The following MDN1 variants were observed in gnomAD, a reference collection of about 807,000 sequenced individuals.
MDN1 encodes midasin AAA ATPase 1.
MDN1 carries 266 observed loss-of-function variants against 669.2 expected under a neutral mutation model. The ratio of observed to expected loss-of-function variants is 0.40; its 90% CI spans 0.36 to 0.44. MDN1 has a LOEUF of 0.44. Among genes scored for constraint, MDN1 ranks in the 20% least tolerant of loss-of-function variants. The pLI is 1.00. For missense variants in MDN1, 5,940 were observed against 6,754.0 expected (o/e 0.88, Z 4.22); for synonymous variants, 2,385 against 2,457.1 (o/e 0.97, Z 0.87).
chr6:89,651,918 T>G lies in MDN1; in HGVS notation c.15915+274A>C, dbSNP rs540241228. Among the ~76,000 whole-genome samples, 27 of 43,808 alleles carry G rather than the reference T, an allele frequency of 6.2e-4. No homozygotes were observed. In the East Asian group the frequency reaches 0.29, roughly 476 times the overall value. 28.7% of individuals were successfully genotyped at this position (43,808 alleles called of 152,430 possible). ...GACTCTTGCCCGGTTTTTCAACCAC[T>G]GTCACAACTATTAACATCCATTACA... On this transcript the variant is annotated intron_variant, in intron 95 of 101. Transcript: ENST00000369393.
At chr6:89,674,643 T>C in intron 78 of MDN1, 54 bp from the exon 79 acceptor site, 1 of 1,491,130 alleles carries the variant, frequency 6.7e-7, no homozygotes, top group Non-Finnish European at 8.9e-7. Flanking sequence ...TAAACCACTT[T>C]ACCACATTGT....
chr6:89,729,192 T>G, intron 35 of MDN1, 53 bp from the exon 36 acceptor site: 1 of 1,413,758 alleles, frequency 7.1e-7, no homozygotes, highest in Non-Finnish European at 9.7e-7. Flanking sequence ...TCAAATCACA[T>G]GTATGCATCA....
intron 13 of MDN1, 66 bp from the exon 14 acceptor site, chr6:89,772,787 A>T: frequency 1.9e-6 from 3 of 1,555,508 alleles, no homozygotes; most frequent in Non-Finnish European, 2.6e-6. Context: ...GCTCTGGGAA[A>T]CCATATATTC....
At position 89,771,934 on chromosome 6, in the gene MDN1, C is replaced by T. The variant is rs111458699; in HGVS notation, c.2084-313G>A. Among the ~76,000 whole-genome samples, 1,198 of 152,066 alleles carry T rather than the reference C, an allele frequency of 7.9e-3. 17 individuals are homozygous for T. Among genetic ancestry groups the T allele is most frequent in the African/African-American group, 0.027 (1,140 of 41,496 alleles). On this transcript the variant is annotated intron_variant, in intron 14 of 101. Transcript: ENST00000369393. ...TGTTGCCAGGCTGGTCTTGAACTCC[C>T]GGGCTCAAGCAATCCTCCTACCTCA...
At chr6:89,670,170 A>ATATATATTTTTTT (rs1444537561) in intron 83 of MDN1, among the ~76,000 whole-genome samples, 11 of 23,398 alleles carry the variant, frequency 4.7e-4, no homozygotes, top group Admixed American at 1.9e-3. Context: ...ATATATATAT[A>ATATATATTTTTTT]TTTTTTTTTT....
intron 74 of MDN1, among the ~76,000 whole-genome samples, chr6:89,680,297 G>C (rs1213961655): frequency 2.6e-5 from 4 of 152,174 alleles, no homozygotes; most frequent in African/African-American, 9.7e-5. Flanking sequence ...CCACCTCTGT[G>C]CCCCTTTACT....
At position 89,698,982 on chromosome 6, in the gene MDN1, A is replaced by C. The variant is rs1309312720; in HGVS notation, c.9051T>G (p.Phe3017Leu). 14 of 1,613,984 alleles carry C rather than the reference A, an allele frequency of 8.7e-6. No homozygotes were observed. Among genetic ancestry groups the C allele is most frequent in the Non-Finnish European group, 1.2e-5 (14 of 1,179,968 alleles). The change falls in exon 59 of 102, where the codon TTT (phenylalanine) becomes TTG (leucine). Residue 3017 changes from phenylalanine (F) to leucine (L), a missense_variant. Transcript: ENST00000369393. ...SLWSELFNSM[F>L]MSFWSSTVTT... Reference sequence around the variant, plus strand: ...TCACAGTACTGCTCCAGAAAGACATAAACATGGAATTAAATAACTCGGACC... The same window carrying C: ...TCACAGTACTGCTCCAGAAAGACATCAACATGGAATTAAATAACTCGGACC...
intron 1 of MDN1, among the ~76,000 whole-genome samples, chr6:89,806,022 C>T (rs566886006): frequency 2.6e-5 from 4 of 152,206 alleles, no homozygotes; most frequent in Non-Finnish European, 5.9e-5. Context: ...ACTGCAGGCG[C>T]ACCCTCCCAA....
chr6:89,762,733 T>C (rs1037814490), intron 15 of MDN1, among the ~76,000 whole-genome samples: 3 of 152,062 alleles, frequency 2.0e-5, no homozygotes, highest in Admixed American at 6.6e-5. Flanking sequence ...ATAATGAAGG[T>C]AAAAACTATT....
In MDN1 at chr6:89,758,689, T is replaced by C. The variant is rs868246714; in HGVS notation, c.2605+127A>G. On this transcript the variant is annotated intron_variant, in intron 18 of 101. Coordinates refer to ENST00000369393, the MANE Select transcript of MDN1 (RefSeq NM_014611.3). ...TAATGCACTTTGCAGAAAATTAATATCTAAAGAATGAACAAATTCCATTGG... is the reference window on the plus strand; with the variant it reads ...TAATGCACTTTGCAGAAAATTAATACCTAAAGAATGAACAAATTCCATTGG... The C allele has an allele frequency of 4.0e-6, 4 of 1,007,730 alleles. No individual in the cohort carries two copies. In the Middle Eastern group the frequency reaches 6.7e-4, roughly 168 times the overall value. 62.4% of individuals were successfully genotyped at this position (1,007,730 alleles called of 1,614,324 possible).
Position 89,794,652 on chromosome 6 carries a change from T to C in MDN1, c.479A>G (p.Gln160Arg), listed in dbSNP as rs199722973. 1.6e-5 allele frequency: 26 copies of C among 1,614,120 alleles called. No homozygotes were observed. In the East Asian group the frequency reaches 5.1e-4, roughly 32 times the overall value. Residue 160 changes from glutamine (Q) to arginine (R), a missense_variant, in exon 3 of 102, where the codon CAG (glutamine) becomes CGG (arginine). By Grantham distance (43) the Gln-to-Arg change is conservative (BLOSUM62 1). Transcript: ENST00000369393. ...GTCCCAGAGCTCCCGGAACACAGAC[T>C]GCTCCTGCTGCAGAAACTTGAAGGC... Reference protein sequence around the residue: ...EAAFKFLQQEQSVFRELWDWS... With the variant: ...EAAFKFLQQERSVFRELWDWS...
intron 73 of MDN1, among the ~76,000 whole-genome samples, chr6:89,681,560 A>C (rs932062116): frequency 6.6e-6 from 1 of 152,142 alleles, no homozygotes; most frequent in South Asian, 2.1e-4. Context: ...GAATAACCTG[A>C]AACTCCTATG....
At chr6:89,715,815 T>C in intron 44 of MDN1, 46 bp from the exon 45 acceptor site, 2 of 1,265,138 alleles carry the variant, frequency 1.6e-6, no homozygotes, top group Non-Finnish European at 2.3e-6. Context: ...CATGCTGCAT[T>C]GACTCTTCTT....
At chr6:89,651,724 T>C (rs1350801771) in intron 95 of MDN1, among the ~76,000 whole-genome samples, 1 of 152,226 alleles carries the variant, frequency 6.6e-6, no homozygotes, top group African/African-American at 2.4e-5. Context: ...TGAATACATA[T>C]ATGTGGTGGG....
Position 89,662,080 on chromosome 6 carries a change from T to C in MDN1, c.14565+7A>G. The C allele has an allele frequency of 6.2e-7, 1 of 1,610,300 alleles. No individual in the cohort carries two copies. The highest frequency in any genetic ancestry group is 1.3e-5 in the African/African-American group (1 of 74,656). ...AAGAGAGCGGATCAGTTTCAAATCT[T>C]CATTACCTCATCTATTTGTTCATTA... On this transcript the variant is annotated splice_region_variant and intron_variant, in intron 87 of 101. Transcript: ENST00000369393.
intron 1 of MDN1, among the ~76,000 whole-genome samples, chr6:89,804,771 C>T (rs1767900653): frequency 6.6e-6 from 1 of 152,162 alleles, no homozygotes; most frequent in South Asian, 2.1e-4. Flanking sequence ...GTGGCTCACG[C>T]CTGTAATCCC....
At chr6:89,662,692 A>G in intron 86 of MDN1, 100 bp downstream of exon 86, 1 of 1,320,604 alleles carries the variant, frequency 7.6e-7, no homozygotes, top group Non-Finnish European at 1.0e-6. Flanking sequence ...AGAACAAAAC[A>G]AATACAGAAA....
At chr6:89,647,067 G>A (rs932813519) in intron 99 of MDN1, among the ~76,000 whole-genome samples, 1 of 152,180 alleles carries the variant, frequency 6.6e-6, no homozygotes, top group African/African-American at 2.4e-5. Flanking sequence ...GATTACAAGT[G>A]TGAGCCACCA....
At chr6:89,728,699 C>T (rs1246189287) in intron 36 of MDN1, among the ~76,000 whole-genome samples, 3 of 151,988 alleles carry the variant, frequency 2.0e-5, no homozygotes, top group African/African-American at 7.3e-5. Context: ...GGTGTGGTGG[C>T]GGGCACCTGT....
Sources: allele counts gnomAD v4.1 joint callset (sites outside exome capture counted in the v4.1 genomes callset), GRCh38; gene constraint gnomAD v4.1.1; transcripts MANE v1.5; gene names NCBI Gene and HGNC (gene_info 2026-07-23, HGNC 2026-07-21).